The following PYY variants were observed in gnomAD, a reference collection of about 807,000 sequenced individuals.
PYY encodes the protein peptide tyrosine tyrosine.
In PYY, 12 loss-of-function variants were observed where a neutral mutation model predicts 10.3. That is an observed-to-expected ratio of 1.17 (90% CI 0.75 to 1.89). The LOEUF (loss-of-function observed/expected upper bound fraction) is 1.89, where lower values mean the gene tolerates loss of function less well. Among genes scored for constraint, PYY ranks in the 40% most tolerant of loss-of-function variants. PYY has a pLI of 0.00. For synonymous variants in PYY, 66 were observed against 62.0 expected (o/e 1.06, Z -0.30); for missense variants, 141 against 134.0 (o/e 1.05, Z -0.26).
At chr17:43,956,565 GGGGGACAGAATCAAAGGGGA>G (rs762008243), upstream of PYY, among the ~76,000 whole-genome samples, 3 of 151,860 alleles carry the variant, frequency 2.0e-5, no homozygotes, top group African/African-American at 7.3e-5. Flanking sequence ...CTTGAAGGGT[GGGGGACAGAATCAAAGGGGA>G]GGGGACAGAA....
Position 43,953,847 on chromosome 17 carries a change from C to T in PYY, c.-1+3G>A, listed in dbSNP as rs1242232917. Reference sequence around the variant, plus strand: ...CCCCAGGCTTGAGCCCCCAGCCACTCACAGCGATAGCTTGTGAAGCAGACG... The same window carrying T: ...CCCCAGGCTTGAGCCCCCAGCCACTTACAGCGATAGCTTGTGAAGCAGACG... On this transcript the variant is annotated splice_donor_region_variant and intron_variant, in intron 1 of 3. Transcript: ENST00000692052. 5.3e-6 allele frequency: 1 copy of T among 188,396 alleles called. No individual in the cohort carries two copies. The highest frequency in any genetic ancestry group is 2.3e-5 in the African/African-American group (1 of 42,700). 11.7% of individuals were successfully genotyped at this position (188,396 alleles called of 1,614,324 possible).
intron 2 of PYY, among the ~76,000 whole-genome samples, chr17:43,965,506 T>C (rs1221526325): frequency 8.3e-6 from 1 of 120,176 alleles, no homozygotes; most frequent in East Asian, 2.5e-4. Flanking sequence ...TTGTATATAT[T>C]TGGCCAGGCA....
At chr17:43,999,560 A>G (rs759858418) in intron 1 of PYY, among the ~76,000 whole-genome samples, 5 of 152,018 alleles carry the variant, frequency 3.3e-5, no homozygotes, top group Non-Finnish European at 7.4e-5. Flanking sequence ...TAAGTTCAGG[A>G]GTTCAAGACC....
chr17:43,965,789 CA>C (rs67609128), intron 2 of PYY, among the ~76,000 whole-genome samples: 6,651 of 31,420 alleles, frequency 0.21, 25 homozygotes, highest in Non-Finnish European at 0.24. Flanking sequence ...ATCCATCTCA[CA>C]AAAAAAAAAA....
chr17:43,989,188 C>A (rs1435062929), intron 1 of PYY, among the ~76,000 whole-genome samples: 3 of 152,026 alleles, frequency 2.0e-5, no homozygotes, highest in Admixed American at 6.5e-5. Context: ...TCCTGGCTAA[C>A]ACGGTGAAAC....
intron 1 of PYY, among the ~76,000 whole-genome samples, chr17:43,974,071 C>A (rs945613062): frequency 2.0e-5 from 3 of 152,122 alleles, no homozygotes; most frequent in Non-Finnish European, 4.4e-5. Context: ...GTATGAATAT[C>A]TTTTCCCTTC....
In PYY at chr17:43,961,265, G is replaced by A. The variant is rs192002341; in HGVS notation, c.-217-3237C>T. 7.4e-4 allele frequency among the ~76,000 whole-genome samples: 112 copies of A among 151,430 alleles called. 1 individual carries two copies. Among genetic ancestry groups the A allele is most frequent in the African/African-American group, 2.5e-3 (105 of 41,310 alleles). On this transcript the variant is annotated intron_variant, in intron 2 of 6. Transcript: ENST00000360085. ...ACAAGCAAACCAAAAAAGCAAAGTCGGGGAGGAGGGAAAGTATCAGGAAGA... is the reference window on the plus strand; with the variant it reads ...ACAAGCAAACCAAAAAAGCAAAGTCAGGGAGGAGGGAAAGTATCAGGAAGA...
At chr17:43,998,207 G>A (rs1320177756) in intron 1 of PYY, among the ~76,000 whole-genome samples, 2 of 150,844 alleles carry the variant, frequency 1.3e-5, no homozygotes, top group Non-Finnish European at 2.9e-5. Context: ...CCAAAGTATT[G>A]GGATTACAGG....
chr17:43,971,827 C>T (rs2048795942), intron 1 of PYY, among the ~76,000 whole-genome samples: 1 of 151,946 alleles, frequency 6.6e-6, no homozygotes, highest in South Asian at 2.1e-4. Flanking sequence ...TTTCTTAACC[C>T]TGTCTTTCAT....
Position 43,994,772 on chromosome 17 carries a change from G to A in PYY, c.-463+9619C>T, listed in dbSNP as rs564829641. The stretch of plus-strand genomic sequence containing the variant: ...GCTGCACCCTCACTCCCCCACCCAC[G>A]AGCTGCGTTTTCCCGGAAGGGTTGG... On this transcript the variant is annotated intron_variant, in intron 1 of 6. Coordinates refer to the PYY transcript ENST00000360085. Among the ~76,000 whole-genome samples the A allele has an allele frequency of 5.3e-5, 8 of 152,282 alleles. No individual in the cohort carries two copies. In the East Asian group the frequency reaches 1.5e-3, roughly 29 times the overall value.
At chr17:43,972,275 G>A (rs1369646833) in intron 1 of PYY, among the ~76,000 whole-genome samples, 3 of 150,226 alleles carry the variant, frequency 2.0e-5, no homozygotes, top group East Asian at 2.0e-4. Flanking sequence ...GTGCAGTGGC[G>A]TGATCTTGGC....
chr17:43,984,353 G>C (rs1352178144), intron 1 of PYY, among the ~76,000 whole-genome samples: 1 of 152,230 alleles, frequency 6.6e-6, no homozygotes, highest in Admixed American at 6.5e-5. Context: ...GCAGGTGGGA[G>C]CAGGAGGCTC....
intron 1 of PYY, among the ~76,000 whole-genome samples, chr17:43,995,738 G>A (rs569755825): frequency 1.3e-5 from 2 of 151,122 alleles, no homozygotes; most frequent in Non-Finnish European, 2.9e-5. Context: ...GGAGGCTGAG[G>A]CAAGAGGATT....
Position 43,953,378 on chromosome 17 carries a change from G to C in PYY, c.106C>G (p.Pro36Ala). 2 of 1,612,578 alleles carry C rather than the reference G, an allele frequency of 1.2e-6. No individual in the cohort carries two copies. The highest frequency in any genetic ancestry group is 1.7e-6 in the Non-Finnish European group (2 of 1,179,442). ...VDAYPIKPEA[P>A]REDASPEELN... ...TCCTCCGGCGAGGCGTCTTCGCGGGGAGCCTCGGGTTTGATGGGGTAGGCG... is the reference window on the plus strand; with the variant it reads ...TCCTCCGGCGAGGCGTCTTCGCGGGCAGCCTCGGGTTTGATGGGGTAGGCG... The change falls in exon 2 of 4, where the codon CCC (proline) becomes GCC (alanine). Residue 36 changes from proline to alanine, a missense_variant. Physicochemically the swap from Pro to Ala is conservative, Grantham distance 27. Coordinates refer to ENST00000692052, the MANE Select transcript of PYY (RefSeq NM_001394028.1).
intron 1 of PYY, among the ~76,000 whole-genome samples, chr17:44,001,111 G>A (rs1443186941): frequency 6.6e-6 from 1 of 152,140 alleles, no homozygotes; most frequent in African/African-American, 2.4e-5. Context: ...TCTCCCCTCA[G>A]GAGCTGTGAT....
chr17:43,991,755 G>A (rs80284466), intron 1 of PYY, among the ~76,000 whole-genome samples: 3,032 of 151,904 alleles, frequency 0.02, 77 homozygotes, highest in African/African-American at 0.059. Flanking sequence ...CCTGGTGGTC[G>A]AGGCTGCAGC....
At chr17:43,958,463 A>G (rs1031164492), upstream of PYY, among the ~76,000 whole-genome samples, 3 of 151,626 alleles carry the variant, frequency 2.0e-5, no homozygotes, top group Non-Finnish European at 4.4e-5. Flanking sequence ...GCTCACTGCA[A>G]CCTCTGCCTT....
chr17:43,998,208 G>T (rs913000712), intron 1 of PYY, among the ~76,000 whole-genome samples: 1 of 151,476 alleles, frequency 6.6e-6, no homozygotes, highest in Non-Finnish European at 1.5e-5. Flanking sequence ...CAAAGTATTG[G>T]GATTACAGGC....
chr17:43,989,171 A>C (rs9747308), intron 1 of PYY, among the ~76,000 whole-genome samples: 1 of 151,636 alleles, frequency 6.6e-6, no homozygotes, highest in African/African-American at 2.4e-5. Context: ...TCAGGAGATC[A>C]AGACCATCCT....
Sources: allele counts gnomAD v4.1 joint callset (sites outside exome capture counted in the v4.1 genomes callset), GRCh38; gene constraint gnomAD v4.1.1; transcripts MANE v1.5; gene names NCBI Gene and HGNC (gene_info 2026-07-23, HGNC 2026-07-21).